ADGRL2: variants seen among roughly 807,000 people sequenced by gnomAD.
ADGRL2 encodes adhesion G protein-coupled receptor L2.
A neutral mutation model predicts 157.4 loss-of-function variants in ADGRL2; 44 were observed. The observed-to-expected ratio is 0.28, with a 90% CI of 0.22 to 0.36. The LOEUF is 0.36. ADGRL2 is among the 10% of genes least tolerant of loss of function. The pLI, the probability that ADGRL2 is intolerant of heterozygous loss-of-function variation, is 1.00. For synonymous variants in ADGRL2, 585 were observed against 624.7 expected, an observed-to-expected ratio of 0.94 and a Z score of 0.95; for missense variants, 1,510 against 1,768.9, an observed-to-expected ratio of 0.85 and a Z score of 2.63.
chr1:81,334,340 T>C (rs1004415769), intron 1 of ADGRL2, among the ~76,000 whole-genome samples: 1 of 152,164 alleles, frequency 6.6e-6, no homozygotes, highest in African/African-American at 2.4e-5. Context: ...ATAAACAAAC[T>C]CTCAAAAGGG....
rs372171206 is a variant in ADGRL2 at position 81,731,793 on chromosome 1, T to A, written c.-142-30018T>A. 5.8e-4 allele frequency among the ~76,000 whole-genome samples: 89 copies of A among 152,328 alleles called. 1 individual carries two copies. The South Asian group carries it at 0.018, about 31-fold the overall frequency. Reference sequence around the variant, plus strand: ...AGTGGCAGTGCACTTTGCGGTTTGTTAATTCATTAATTTACCCATTAAAGA... The same window carrying A: ...AGTGGCAGTGCACTTTGCGGTTTGTAAATTCATTAATTTACCCATTAAAGA... On this transcript the variant is annotated intron_variant, in intron 1 of 20. Transcript: ENST00000359929.
At chr1:81,776,760 A>G (rs552693113) in intron 2 of ADGRL2, among the ~76,000 whole-genome samples, 292 of 152,354 alleles carry the variant, frequency 1.9e-3, no homozygotes, top group Non-Finnish European at 2.9e-3. Flanking sequence ...GGATAAGTTA[A>G]CAGGAACTGG....
chr1:81,790,822 C>T (rs528986467), intron 2 of ADGRL2, among the ~76,000 whole-genome samples: 26 of 151,972 alleles, frequency 1.7e-4, no homozygotes, highest in Non-Finnish European at 3.7e-4. Flanking sequence ...ACTTCCTATG[C>T]CATACAAAGT....
chr1:81,429,601 C>T (rs773514439), intron 1 of ADGRL2, among the ~76,000 whole-genome samples: 17 of 152,228 alleles, frequency 1.1e-4, no homozygotes, highest in Non-Finnish European at 1.9e-4. Context: ...TCCTTCGGTT[C>T]TGCCCTGAAG....
Position 81,942,974 on chromosome 1 carries a change from G to A in ADGRL2, c.415G>A (p.Val139Met). ...CVPYMEQKVF[V>M]CPGTLKAIVD... ...TCTTTCTCTGTAACTGTTAGTTTTT[G>A]TGTGTCCTGGGACCTTGAAAGCAAT... is the stretch of plus-strand genomic sequence containing the variant. Residue 139 changes from valine (V) to methionine (M), a missense_variant, in exon 6 of 24, where the codon GTG (valine) becomes ATG (methionine). By Grantham distance (21) the Val-to-Met change is conservative (BLOSUM62 1). Transcript: ENST00000686636. 1.2e-6 allele frequency: 2 copies of A among 1,601,624 alleles called. No homozygotes were observed. The highest frequency in any genetic ancestry group is 8.5e-7 in the Non-Finnish European group (1 of 1,172,662).
At chr1:81,709,522 A>T (rs1283338657) in intron 1 of ADGRL2, among the ~76,000 whole-genome samples, 1 of 151,556 alleles carries the variant, frequency 6.6e-6, no homozygotes, top group South Asian at 2.1e-4. Flanking sequence ...GCAGAATAGT[A>T]GTATAAAAAG....
At chr1:81,584,818 C>A (rs182305813) in intron 3 of ADGRL2, among the ~76,000 whole-genome samples, 27 of 152,090 alleles carry the variant, frequency 1.8e-4, no homozygotes, top group Non-Finnish European at 2.9e-4. Context: ...TAAGATTTTC[C>A]CGAGGAAATG....
At chr1:81,823,468 T>TA (rs2091196292) in intron 1 of ADGRL2, among the ~76,000 whole-genome samples, 1 of 150,150 alleles carries the variant, frequency 6.7e-6, no homozygotes, top group Non-Finnish European at 1.5e-5. Context: ...GTCAAAAACA[T>TA]TTATTATGTG....
At chr1:81,746,014 T>C (rs2085234571) in intron 1 of ADGRL2, among the ~76,000 whole-genome samples, 1 of 148,712 alleles carries the variant, frequency 6.7e-6, no homozygotes, top group Non-Finnish European at 1.5e-5. Flanking sequence ...TACTGCTTGA[T>C]CAAAAAGAAA....
intron 1 of ADGRL2, among the ~76,000 whole-genome samples, chr1:81,740,674 C>G (rs1201426104): frequency 6.6e-6 from 1 of 152,100 alleles, no homozygotes; most frequent in Non-Finnish European, 1.5e-5. Context: ...TATAGACTTG[C>G]CACTCAGAGC....
chr1:81,924,088 G>T (rs1351917058), intron 3 of ADGRL2, among the ~76,000 whole-genome samples: 1 of 152,140 alleles, frequency 6.6e-6, no homozygotes, highest in Non-Finnish European at 1.5e-5. Flanking sequence ...ATCCTGTTTG[G>T]CCAGCATCAT....
chr1:81,981,256 C>A, intron 18 of ADGRL2: 1 of 193,268 alleles, frequency 5.2e-6, no homozygotes. Flanking sequence ...CGAAATCTCT[C>A]CAAAATTATT....
chr1:81,603,029 G>A (rs2081364737), intron 3 of ADGRL2, among the ~76,000 whole-genome samples: 1 of 152,188 alleles, frequency 6.6e-6, no homozygotes, highest in African/African-American at 2.4e-5. Flanking sequence ...GTCAATGACT[G>A]AGTGGAAAAA....
chr1:81,387,492 T>C (rs537320835), intron 1 of ADGRL2, among the ~76,000 whole-genome samples: 12 of 152,190 alleles, frequency 7.9e-5, no homozygotes, highest in Non-Finnish European at 1.5e-4. Flanking sequence ...ACTGTTCACA[T>C]GCTTTAAATA....
intron 1 of ADGRL2, among the ~76,000 whole-genome samples, chr1:81,403,322 C>T (rs867449055): frequency 2.0e-5 from 3 of 151,764 alleles, no homozygotes; most frequent in South Asian, 2.1e-4. Flanking sequence ...TGGAGTGCAG[C>T]GGCATGATCT....
chr1:81,596,097 A>C, intron 3 of ADGRL2: 1 of 313,208 alleles, frequency 3.2e-6, no homozygotes, highest in Non-Finnish European at 5.8e-6. Context: ...AGTGGGAACT[A>C]GGATCTTTTT....
intron 2 of ADGRL2, among the ~76,000 whole-genome samples, chr1:81,477,550 G>T (rs1398002299): frequency 6.6e-6 from 1 of 152,114 alleles, no homozygotes; most frequent in East Asian, 1.9e-4. Context: ...GGATCTTTTG[G>T]ATAATGAGAA....
At chr1:81,393,161 C>T (rs972695921) in intron 1 of ADGRL2, among the ~76,000 whole-genome samples, 3 of 152,110 alleles carry the variant, frequency 2.0e-5, no homozygotes, top group Non-Finnish European at 4.4e-5. Flanking sequence ...GTTCCCTACT[C>T]TCTCATTAGA....
At chr1:81,450,835 G>A (rs745927763) in intron 2 of ADGRL2, among the ~76,000 whole-genome samples, 22 of 152,232 alleles carry the variant, frequency 1.4e-4, no homozygotes, top group Admixed American at 3.9e-4. Flanking sequence ...AAGCTATAGT[G>A]TTAATAAAAC....
Sources: allele counts gnomAD v4.1 joint callset (sites outside exome capture counted in the v4.1 genomes callset), GRCh38; gene constraint gnomAD v4.1.1; transcripts MANE v1.5; gene names NCBI Gene and HGNC (gene_info 2026-07-23, HGNC 2026-07-21).